Variants in CCNK observed in about 807,000 individuals in gnomAD.
CCNK encodes the protein cyclin K.
A neutral mutation model predicts 65.0 loss-of-function variants in CCNK; 9 were observed. The observed-to-expected ratio is 0.14, with a 90% CI of 0.08 to 0.24. The LOEUF is 0.24. Among genes scored for constraint, CCNK ranks in the 10% least tolerant of loss-of-function variants. CCNK has a pLI of 1.00. For missense variants in CCNK, 474 were observed against 720.0 expected (o/e 0.66, Z 3.91); for synonymous variants, 279 against 270.8 (o/e 1.03, Z -0.30).
chr14:99,500,265 A>T (rs565193914), intron 4 of CCNK: 1 of 152,582 alleles, frequency 6.6e-6, no homozygotes, highest in African/African-American at 2.4e-5. Context: ...TGCACGTAAT[A>T]CACTATATGT....
chr14:99,486,379 TAC>T (rs1282895829), intron 1 of CCNK, among the ~76,000 whole-genome samples: 1 of 152,238 alleles, frequency 6.6e-6, no homozygotes, highest in African/African-American at 2.4e-5. Flanking sequence ...TGATTCTTCC[TAC>T]TTGGTACAAG....
chr14:99,505,181 C>T (rs1385051943), intron 9 of CCNK: 2 of 152,226 alleles, frequency 1.3e-5, no homozygotes, highest in African/African-American at 4.8e-5. Flanking sequence ...AGTCCCCTGG[C>T]AGCAGTAAAT....
intron 1 of CCNK, among the ~76,000 whole-genome samples, chr14:99,482,990 C>T (rs1428677655): frequency 6.6e-6 from 1 of 152,188 alleles, no homozygotes; most frequent in Non-Finnish European, 1.5e-5. Flanking sequence ...TATTTTTAAG[C>T]TCAGGTAAAT....
chr14:99,511,779 T>C lies in CCNK; in HGVS notation c.*997T>C, dbSNP rs370394896. On this transcript the variant is annotated 3_prime_UTR_variant, in exon 11 of 11. Transcript: ENST00000389879. ...GTTGAGTTCCAAACCAGTTTGAAAC[T>C]TTGAAGCCTTGCTGCGTAGAACGCA... The C allele has an allele frequency of 1.4e-4, 22 of 152,734 alleles. No individual in the cohort carries two copies. The highest frequency in any genetic ancestry group is 5.1e-4 in the African/African-American group (21 of 41,580). The allele number at this position is 152,734 out of a possible 1,614,324, so 9.5% of individuals were successfully genotyped here.
intron 4 of CCNK, 132 bp downstream of exon 4, chr14:99,495,761 G>C (rs1370401064): frequency 1.4e-6 from 1 of 693,474 alleles, no homozygotes; most frequent in African/African-American, 1.8e-5. Context: ...GCCTTCTGTA[G>C]AAGTTACTTG....
chr14:99,492,900 T>A (rs1165392853), intron 2 of CCNK, 26 bp downstream of exon 2: 1 of 1,543,890 alleles, frequency 6.5e-7, no homozygotes. Context: ...TTGGAATCTG[T>A]TACAGATAGG....
In CCNK at chr14:99,481,490, C is replaced by A; in HGVS notation, c.-53+11C>A. 2.5e-6 allele frequency: 1 copy of A among 398,694 alleles called. No homozygotes were observed. The allele number at this position is 398,694 out of a possible 1,614,324, so 24.7% of individuals were successfully genotyped here. On this transcript the variant is annotated intron_variant, in intron 1 of 10. Transcript: ENST00000389879. Reference sequence around the variant, plus strand: ...TGCCTGAAGCGAGGGGTGAGTGACCCACCGACTGAGGGCAGCGCCGCCCAC... The same window carrying A: ...TGCCTGAAGCGAGGGGTGAGTGACCAACCGACTGAGGGCAGCGCCGCCCAC...
chr14:99,495,167 G>A (rs1054798941), intron 3 of CCNK: 3 of 188,358 alleles, frequency 1.6e-5, no homozygotes, highest in Non-Finnish European at 3.3e-5. Flanking sequence ...CTTTTTCCAC[G>A]GCAAAGCTTG....
rs1484867927 is a variant in CCNK, at chr14:99,503,497, C to G, written c.1012-114C>G. 4 of 839,134 alleles carry G rather than the reference C, an allele frequency of 4.8e-6. 1 individual carries two copies. The South Asian group carries it at 6.5e-5, about 14-fold the overall frequency. The allele number at this position is 839,134 out of a possible 1,614,324, so 52.0% of individuals were successfully genotyped here. On this transcript the variant is annotated intron_variant, in intron 8 of 10. Transcript: ENST00000389879. ...GTTCAGGCTAGAAATAATTTTTGTC[C>G]GAGGCTGTTCACAGTGACTGCCGTC...
chr14:99,494,902 C>T (rs564265774), intron 3 of CCNK: 2 of 152,190 alleles, frequency 1.3e-5, no homozygotes, highest in Admixed American at 1.3e-4. Context: ...GAGGAACAAG[C>T]CCCTTGGGCC....
At chr14:99,497,315 A>G (rs1896723946) in intron 4 of CCNK, among the ~76,000 whole-genome samples, 1 of 152,192 alleles carries the variant, frequency 6.6e-6, no homozygotes, top group South Asian at 2.1e-4. Context: ...CACCATTTCC[A>G]GAATGTCATC....
chr14:99,492,020 A>G (rs954813542), intron 1 of CCNK: 4 of 152,238 alleles, frequency 2.6e-5, no homozygotes, highest in African/African-American at 9.7e-5. Context: ...AACAGTTTAA[A>G]GGAGCTCCTT....
intron 1 of CCNK, among the ~76,000 whole-genome samples, chr14:99,490,076 T>C (rs1896567506): frequency 6.6e-6 from 1 of 152,222 alleles, no homozygotes. Context: ...TTTTGCATTG[T>C]AAAATATTTC....
chr14:99,490,319 G>A (rs925197190), intron 1 of CCNK, among the ~76,000 whole-genome samples: 1 of 152,132 alleles, frequency 6.6e-6, no homozygotes, highest in African/African-American at 2.4e-5. Flanking sequence ...AAGTTGTTCT[G>A]ATATCACCTG....
Position 99,510,731 on chromosome 14 carries a change from A to G in CCNK, c.1692A>G (p.Pro564=). 7.1e-7 allele frequency: 1 copy of G among 1,408,864 alleles called. No individual in the cohort carries two copies. The allele number at this position is 1,408,864 out of a possible 1,614,324, so 87.3% of individuals were successfully genotyped here. The part of the protein sequence containing the change: ...GQPPVPPPIP[P]PGMPPVGGLG... ...CTCCTGTGCCCCCGCCCATTCCCCC[A>G]CCCGGCATGCCTCCAGTTGGGGGGC... The change falls in exon 11 of 11, where the codon CCA becomes CCG. Residue 564 remains proline, a synonymous_variant. Transcript: ENST00000389879.
chr14:99,510,401 G>T lies in CCNK; in HGVS notation c.1362G>T (p.Glu454Asp). 6.4e-7 allele frequency: 1 copy of T among 1,560,598 alleles called. No individual in the cohort carries two copies. Among genetic ancestry groups the T allele is most frequent in the Non-Finnish European group, 8.7e-7 (1 of 1,154,300 alleles). The change falls in exon 11 of 11, where the codon GAG becomes GAT. Residue 454 changes from glutamate to aspartate, a missense_variant. Around this residue, in one of 6 missense-constraint regions of CCNK, gnomAD observed 229 missense variants for 275.5 expected, o/e 0.83. Transcript: ENST00000389879. ...YQSLQSMMKT[E>D]GPSYGALPPA... ...GCCTGCAGTCCATGATGAAGACCGA[G>T]GGACCCTCCTACGGTGCCCTGCCCC...
At chr14:99,494,558 G>A (rs1896660534) in intron 3 of CCNK, 1 of 152,210 alleles carries the variant, frequency 6.6e-6, no homozygotes, top group Non-Finnish European at 1.5e-5. Context: ...CCCCGGCAGA[G>A]TGTCTGACAT....
chr14:99,496,133 T>C (rs557635343), intron 4 of CCNK, among the ~76,000 whole-genome samples: 1 of 152,282 alleles, frequency 6.6e-6, no homozygotes, highest in Admixed American at 6.5e-5. Context: ...TCCATACAGC[T>C]CACGCCAGTG....
intron 4 of CCNK, among the ~76,000 whole-genome samples, chr14:99,498,904 T>C (rs1489258254): frequency 1.3e-5 from 2 of 152,184 alleles, no homozygotes; most frequent in Admixed American, 1.3e-4. Flanking sequence ...GGCCCTGGGC[T>C]ATCCTGTAAC....
Sources: allele counts gnomAD v4.1 joint callset (sites outside exome capture counted in the v4.1 genomes callset), GRCh38; gene constraint gnomAD v4.1.1; regional missense constraint gnomAD v4.1.1; transcripts MANE v1.5; gene names NCBI Gene and HGNC (gene_info 2026-07-23, HGNC 2026-07-21).